SMIM8: variants seen among roughly 807,000 people sequenced by gnomAD.
The protein encoded by SMIM8 is small integral membrane protein 8.
SMIM8 carries 8 observed loss-of-function variants against 8.1 expected under a neutral mutation model. The observed-to-expected ratio is 0.99, with a 90% CI of 0.58 to 1.78. The LOEUF is 1.78. Among genes scored for constraint, SMIM8 ranks in the 40% most tolerant of loss-of-function variants. The pLI, the probability that SMIM8 is intolerant of heterozygous loss-of-function variation, is 0.00. For synonymous variants in SMIM8, 45 were observed against 39.7 expected (o/e 1.13, Z -0.50); for missense variants, 126 against 119.8 (o/e 1.05, Z -0.24).
chr6:87,340,228 GT>G lies in SMIM8; in HGVS notation c.249del (p.Ser83ArgfsTer7). 3 of 1,611,284 alleles carry G rather than the reference GT, an allele frequency of 1.9e-6. No homozygotes were observed. The highest frequency in any genetic ancestry group is 2.5e-6 in the Non-Finnish European group (3 of 1,179,114). On this transcript the variant is annotated frameshift_variant, in exon 4 of 4. Transcript: ENST00000392863. LOFTEE classifies it high-confidence loss of function. The part of the protein sequence containing the change: ...NKKDLYEAID[S>X]EGHSYMRRKT... Reference sequence around the variant, plus strand: ...AAGGACCTCTATGAAGCTATTGATAGTGAGGGGCACAGTTATATGAGGCGGA... The same window carrying G: ...AAGGACCTCTATGAAGCTATTGATAGGAGGGGCACAGTTATATGAGGCGGA...
intron 2 of SMIM8, among the ~76,000 whole-genome samples, chr6:87,332,146 TCAC>T (rs1777008401): frequency 6.6e-6 from 1 of 151,998 alleles, no homozygotes; most frequent in Non-Finnish European, 1.5e-5. Flanking sequence ...AATTAAGTCA[TCAC>T]AATTAGTGTT....
chr6:87,326,413 A>C (rs1256619943), intron 1 of SMIM8, among the ~76,000 whole-genome samples: 1 of 151,782 alleles, frequency 6.6e-6, no homozygotes, highest in Admixed American at 6.6e-5. Flanking sequence ...TAGGGCTATA[A>C]ATTTCCCTCT....
intron 1 of SMIM8, among the ~76,000 whole-genome samples, chr6:87,324,972 A>G (rs1046066367): frequency 6.6e-6 from 1 of 151,942 alleles, no homozygotes; most frequent in African/African-American, 2.4e-5. Flanking sequence ...GTTCTCCTTG[A>G]AGAGGTCCTT....
intron 1 of SMIM8, among the ~76,000 whole-genome samples, chr6:87,324,566 G>T (rs1280193511): frequency 6.6e-6 from 1 of 151,018 alleles, no homozygotes; most frequent in Non-Finnish European, 1.5e-5. Flanking sequence ...GTTTGTCAAA[G>T]ATCAGATAGT....
At chr6:87,324,796 A>G (rs1046479245) in intron 1 of SMIM8, among the ~76,000 whole-genome samples, 21 of 152,308 alleles carry the variant, frequency 1.4e-4, no homozygotes, top group African/African-American at 3.6e-4. Context: ...GCTTTTTCCA[A>G]TTCTATGAAG....
intron 1 of SMIM8, among the ~76,000 whole-genome samples, chr6:87,326,063 T>G (rs953214748): frequency 4.6e-5 from 7 of 152,238 alleles, no homozygotes; most frequent in Non-Finnish European, 4.4e-5. Flanking sequence ...TAGAGCTGTT[T>G]GTAGTATTCT....
chr6:87,332,373 A>G (rs1206336109), intron 2 of SMIM8, among the ~76,000 whole-genome samples: 1 of 148,576 alleles, frequency 6.7e-6, no homozygotes, highest in Non-Finnish European at 1.5e-5. Flanking sequence ...TGAATAGATT[A>G]ATGCCCTCCC....
intron 1 of SMIM8, among the ~76,000 whole-genome samples, chr6:87,326,016 C>A (rs960040340): frequency 6.6e-6 from 1 of 151,986 alleles, no homozygotes; most frequent in Non-Finnish European, 1.5e-5. Flanking sequence ...TGTCGAGGAA[C>A]TTATCCATTT....
chr6:87,324,964 TCTC>T (rs1366054468), intron 1 of SMIM8, among the ~76,000 whole-genome samples: 1 of 152,070 alleles, frequency 6.6e-6, no homozygotes, highest in African/African-American at 2.4e-5. Flanking sequence ...GGTTTGTAGT[TCTC>T]CTTGAAGAGG....
rs148613073 is a variant in SMIM8, at chr6:87,334,411, A to G, written c.-23-2598A>G. 3.9e-3 allele frequency among the ~76,000 whole-genome samples: 595 copies of G among 152,102 alleles called. 5 individuals are homozygous for G. The highest frequency in any genetic ancestry group is 5.9e-3 in the Non-Finnish European group (400 of 67,988). On this transcript the variant is annotated intron_variant, in intron 2 of 3. Coordinates refer to ENST00000392863, the MANE Select transcript of SMIM8 (RefSeq NM_001042493.3). ...GAGAAATTTAAAAACAAGAACAAAA[A>G]TTGCTGGTTACAGCTTCAGTGGCTT... is the stretch of plus-strand genomic sequence containing the variant.
At chr6:87,327,985 C>A (rs1395617030) in intron 1 of SMIM8, among the ~76,000 whole-genome samples, 2 of 151,504 alleles carry the variant, frequency 1.3e-5, no homozygotes, top group Non-Finnish European at 2.9e-5. Flanking sequence ...AACTTCCCTT[C>A]TCGCTTCATT....
chr6:87,323,134 C>CAGT (rs1776712233), intron 1 of SMIM8: 1 of 150,672 alleles, frequency 6.6e-6, no homozygotes, highest in Non-Finnish European at 1.5e-5. Flanking sequence ...CGGCACCGAA[C>CAGT]AGTAGTCCAT....
chr6:87,334,882 G>A (rs1777072598), intron 2 of SMIM8, among the ~76,000 whole-genome samples: 1 of 152,204 alleles, frequency 6.6e-6, no homozygotes, highest in East Asian at 1.9e-4. Context: ...GCAATACACA[G>A]TATGCTCTTG....
chr6:87,325,998 A>G (rs1027842300), intron 1 of SMIM8, among the ~76,000 whole-genome samples: 2 of 152,022 alleles, frequency 1.3e-5, no homozygotes, highest in African/African-American at 4.8e-5. Flanking sequence ...GTCTTGGGAG[A>G]GTGTATGTGT....
At chr6:87,337,559 A>G (rs528157586) in intron 3 of SMIM8, among the ~76,000 whole-genome samples, 4 of 152,340 alleles carry the variant, frequency 2.6e-5, no homozygotes, top group East Asian at 1.9e-4. Context: ...ACATACTGCA[A>G]TTCTACCCTG....
At chr6:87,333,302 G>A (rs762260289) in intron 2 of SMIM8, among the ~76,000 whole-genome samples, 22 of 152,118 alleles carry the variant, frequency 1.4e-4, no homozygotes, top group Non-Finnish European at 1.3e-4. Context: ...CTATTCATGA[G>A]GGATCCACCC....
At chr6:87,332,086 A>C (rs1001074424) in intron 2 of SMIM8, among the ~76,000 whole-genome samples, 1 of 152,078 alleles carries the variant, frequency 6.6e-6, no homozygotes, top group South Asian at 2.1e-4. Flanking sequence ...TTATAAAGGA[A>C]ATATAGGTTC....
At chr6:87,322,830 C>T (rs1776702639) in intron 1 of SMIM8, 198 bp downstream of exon 1, 1 of 152,224 alleles carries the variant, frequency 6.6e-6, no homozygotes, top group Admixed American at 6.5e-5. Flanking sequence ...GTCGGTGAAG[C>T]TCTCTGGCCC....
In SMIM8 at chr6:87,340,231, A is replaced by AGG. The variant is rs767104267; in HGVS notation, c.254_255dup (p.His86GlyfsTer5). ...GACCTCTATGAAGCTATTGATAGTG[A>AGG]GGGGCACAGTTATATGAGGCGGAAA... On this transcript the variant is annotated frameshift_variant, in exon 4 of 4. Coordinates refer to ENST00000392863, the MANE Select transcript of SMIM8 (RefSeq NM_001042493.3). LOFTEE classifies it high-confidence loss of function. 6.2e-7 allele frequency: 1 copy of AGG among 1,610,848 alleles called. No individual in the cohort carries two copies. The highest frequency in any genetic ancestry group is 1.7e-4 in the Middle Eastern group (1 of 6,040).
Sources: gnomAD v4.1 joint callset for allele counts (sites outside exome capture counted in the v4.1 genomes callset) on GRCh38, gnomAD v4.1.1 for gene constraint, MANE v1.5 for transcripts, NCBI Gene and HGNC (gene_info 2026-07-23, HGNC 2026-07-21) for gene names.